Variants in FAM241B observed in about 807,000 individuals in gnomAD.
FAM241B encodes protein FAM241B.
FAM241B carries 7 observed loss-of-function variants against 9.3 expected under a neutral mutation model. The observed-to-expected ratio is 0.75, with a 90% CI of 0.43 to 1.41. The LOEUF is 1.41. FAM241B is among the 40% of genes most tolerant of loss of function. The pLI, the probability that FAM241B is intolerant of heterozygous loss-of-function variation, is 0.01. For missense variants in FAM241B, 136 were observed against 159.6 expected, an observed-to-expected ratio of 0.85 and a Z score of 0.80; for synonymous variants, 60 against 64.1, an observed-to-expected ratio of 0.94 and a Z score of 0.31.
chr10:69,630,778 C>T, intron 1 of FAM241B: 2 of 775,998 alleles, frequency 2.6e-6, no homozygotes, highest in Non-Finnish European at 1.8e-6. Context: ...CGAGGGCCAC[C>T]GCAGCAACCC....
intron 1 of FAM241B, 114 bp from the exon 2 acceptor site, chr10:69,631,366 G>A (rs1839816052): frequency 5.7e-6 from 5 of 878,732 alleles, no homozygotes; most frequent in South Asian, 1.5e-5. Context: ...GTGATTGGCA[G>A]TAAAACTTCC....
chr10:69,632,292 C>G (rs182967155), intron 3 of FAM241B, among the ~76,000 whole-genome samples: 85 of 152,104 alleles, frequency 5.6e-4, no homozygotes, highest in African/African-American at 2.0e-3. Context: ...AACCCCATCT[C>G]TACTAAAAAT....
chr10:69,631,677 A>G, intron 2 of FAM241B, 32 bp from the exon 3 acceptor site: 1 of 1,580,336 alleles, frequency 6.3e-7, no homozygotes, highest in Non-Finnish European at 8.6e-7. Context: ...CTTGGCTTCC[A>G]TTAGCCTGCC....
Position 69,632,849 on chromosome 10 carries a change from G to A in FAM241B, c.156G>A (p.Gln52=), listed in dbSNP as rs761088839. The A allele has an allele frequency of 5.0e-6, 8 of 1,614,122 alleles. No homozygotes were observed. In the South Asian group the frequency reaches 7.7e-5, roughly 16 times the overall value. ...PPGGPGPRQQ[Q]AGARLGAAQS... ...GGGGTCCTGGCCCCCGCCAGCAGCA[G>A]GCAGGTGCCAGGCTGGGTGCTGCTC... The change falls in exon 4 of 4, where the codon CAG becomes CAA. Residue 52 remains glutamine (Q), a synonymous_variant. Coordinates refer to ENST00000373279, the MANE Select transcript of FAM241B (RefSeq NM_145306.3).
At position 69,630,309 on chromosome 10, in the gene FAM241B, T is replaced by C. The variant is rs1483921738; in HGVS notation, c.-108T>C. The C allele has an allele frequency of 6.6e-6, 1 of 152,670 alleles. No individual in the cohort carries two copies. Among genetic ancestry groups the C allele is most frequent in the Non-Finnish European group, 1.5e-5 (1 of 68,490 alleles). 9.5% of individuals were successfully genotyped at this position (152,670 alleles called of 1,614,324 possible). On this transcript the variant is annotated 5_prime_UTR_variant, in exon 1 of 4. Coordinates refer to ENST00000373279, the MANE Select transcript of FAM241B (RefSeq NM_145306.3). ...CGCCGCCGAGGCCCGGAGTCGCGCC[T>C]GCAGGTGAGTCGCCGCGCCGGGGAG...
intron 1 of FAM241B, chr10:69,630,585 G>C: frequency 8.0e-7 from 1 of 1,242,538 alleles, no homozygotes; most frequent in Non-Finnish European, 1.0e-6. Flanking sequence ...CGCCTGTCCC[G>C]GGCTCCAGGC....
At chr10:69,631,303 G>A (rs1338780195) in intron 1 of FAM241B, among the ~76,000 whole-genome samples, 177 bp from the exon 2 acceptor site, 1 of 152,242 alleles carries the variant, frequency 6.6e-6, no homozygotes, top group Non-Finnish European at 1.5e-5. Flanking sequence ...GGCCTTCCAC[G>A]GGGCGTGGGC....
Position 69,633,008 on chromosome 10 carries a change from C to T in FAM241B, c.315C>T (p.Gly105=). Reference sequence around the variant, plus strand: ...TGCTCATGATGCTTGGTGTTCGTGGCCTCCTCCTGGTTGGCCTTGTCTACC... The same window carrying T: ...TGCTCATGATGCTTGGTGTTCGTGGTCTCCTCCTGGTTGGCCTTGTCTACC... ...LFLLMMLGVR[G]LLLVGLVYLV... Residue 105 remains glycine, a synonymous_variant, in exon 4 of 4, where the codon GGC becomes GGT. Transcript: ENST00000373279. 1.9e-6 allele frequency: 3 copies of T among 1,614,214 alleles called. No homozygotes were observed. Among genetic ancestry groups the T allele is most frequent in the Non-Finnish European group, 2.5e-6 (3 of 1,180,050 alleles).
At chr10:69,630,664 G>A (rs1185738627) in intron 1 of FAM241B, 3 of 1,298,286 alleles carry the variant, frequency 2.3e-6, no homozygotes, top group Non-Finnish European at 3.0e-6. Flanking sequence ...TGGAATGTAG[G>A]TGGACACTGA....
chr10:69,633,164 T>A lies in FAM241B; in HGVS notation c.*105T>A. 6.8e-7 allele frequency: 1 copy of A among 1,467,442 alleles called. No individual in the cohort carries two copies. The highest frequency in any genetic ancestry group is 9.3e-7 in the Non-Finnish European group (1 of 1,076,350). The allele number at this position is 1,467,442 out of a possible 1,614,324, so 90.9% of individuals were successfully genotyped here. On this transcript the variant is annotated 3_prime_UTR_variant, in exon 4 of 4. Transcript: ENST00000373279. Reference sequence around the variant, plus strand: ...ATCTGGTGGTGCCTTGAAGGTATGATCAGAGAGGGGACCACAGGTGTGTGT... The same window carrying A: ...ATCTGGTGGTGCCTTGAAGGTATGAACAGAGAGGGGACCACAGGTGTGTGT...
chr10:69,631,955 G>A, intron 3 of FAM241B, 116 bp downstream of exon 3: 1 of 1,355,094 alleles, frequency 7.4e-7, no homozygotes, highest in Non-Finnish European at 1.0e-6. Context: ...AGCCCTCTTT[G>A]CAGAGAGCTG....
chr10:69,633,179 C>T lies in FAM241B; in HGVS notation c.*120C>T, dbSNP rs765626119. On this transcript the variant is annotated 3_prime_UTR_variant, in exon 4 of 4. Transcript: ENST00000373279. Reference sequence around the variant, plus strand: ...GAAGGTATGATCAGAGAGGGGACCACAGGTGTGTGTTTCCCCTTTGTGTTA... The same window carrying T: ...GAAGGTATGATCAGAGAGGGGACCATAGGTGTGTGTTTCCCCTTTGTGTTA... 43 of 1,382,632 alleles carry T rather than the reference C, an allele frequency of 3.1e-5. No homozygotes were observed. The highest frequency in any genetic ancestry group is 4.2e-5 in the Non-Finnish European group (42 of 1,007,280). The allele number at this position is 1,382,632 out of a possible 1,614,324, so 85.6% of individuals were successfully genotyped here.
chr10:69,631,628 A>G, intron 2 of FAM241B, 81 bp downstream of exon 2: 1 of 1,552,116 alleles, frequency 6.4e-7, no homozygotes, highest in Non-Finnish European at 8.7e-7. Flanking sequence ...CAGATCACTA[A>G]CAGCTAAAGG....
chr10:69,633,281 G>A lies in FAM241B; in HGVS notation c.*222G>A. The A allele has an allele frequency of 3.2e-6, 2 of 625,990 alleles. No homozygotes were observed. Among genetic ancestry groups the A allele is most frequent in the South Asian group, 2.0e-5 (1 of 50,114 alleles). The allele number at this position is 625,990 out of a possible 1,614,324, so 38.8% of individuals were successfully genotyped here. Reference sequence around the variant, plus strand: ...TCCGTTGGTTCCCAAGATACTTTTAGGTGGTATGGGGCCTGCATTAAGTGG... The same window carrying A: ...TCCGTTGGTTCCCAAGATACTTTTAAGTGGTATGGGGCCTGCATTAAGTGG... On this transcript the variant is annotated 3_prime_UTR_variant, in exon 4 of 4. Transcript: ENST00000373279.
intron 3 of FAM241B, 63 bp from the exon 4 acceptor site, chr10:69,632,727 T>C (rs41306516): frequency 0.081 from 125,781 of 1,560,194 alleles, 5,794 homozygotes; most frequent in Middle Eastern, 0.098. Context: ...CCTAGAGAGG[T>C]TGATTCCTGG....
rs186131085 is a variant in FAM241B at position 69,632,661 on chromosome 10, G to A, written c.97-129G>A. On this transcript the variant is annotated intron_variant, in intron 3 of 3. Coordinates refer to ENST00000373279, the MANE Select transcript of FAM241B (RefSeq NM_145306.3). Reference sequence around the variant, plus strand: ...TGGGATTCTTATGGGTGGCATGGGGGATTGCTGAGAAAGGAGGGTGTGACC... The same window carrying A: ...TGGGATTCTTATGGGTGGCATGGGGAATTGCTGAGAAAGGAGGGTGTGACC... The A allele has an allele frequency of 1.1e-4, 111 of 1,018,384 alleles. No individual in the cohort carries two copies. In the African/African-American group the frequency reaches 1.7e-3, roughly 15 times the overall value. The allele number at this position is 1,018,384 out of a possible 1,614,324, so 63.1% of individuals were successfully genotyped here.
At chr10:69,632,196 C>G (rs1356027435) in intron 3 of FAM241B, among the ~76,000 whole-genome samples, 1 of 152,112 alleles carries the variant, frequency 6.6e-6, no homozygotes, top group African/African-American at 2.4e-5. Context: ...CGCGGTGGCT[C>G]ACACCTGTAA....
chr10:69,633,319 G>A lies in FAM241B; in HGVS notation c.*260G>A, dbSNP rs529746502. 3 of 538,190 alleles carry A rather than the reference G, an allele frequency of 5.6e-6. No homozygotes were observed. The East Asian group carries it at 9.6e-5, about 17-fold the overall frequency. The allele number at this position is 538,190 out of a possible 1,614,324, so 33.3% of individuals were successfully genotyped here. On this transcript the variant is annotated 3_prime_UTR_variant, in exon 4 of 4. Coordinates refer to ENST00000373279, the MANE Select transcript of FAM241B (RefSeq NM_145306.3). Reference sequence around the variant, plus strand: ...CTGCATTAAGTGGCACAAAATCAGAGCAAGAAAGCGATGCCCTTCCCAATT... The same window carrying A: ...CTGCATTAAGTGGCACAAAATCAGAACAAGAAAGCGATGCCCTTCCCAATT...
intron 1 of FAM241B, 27 bp downstream of exon 1, chr10:69,630,340 G>C: frequency 6.5e-6 from 1 of 152,708 alleles, no homozygotes; most frequent in South Asian, 2.0e-4. Context: ...GGGAGGGAGC[G>C]CATCCCTCGC....
Sources: gnomAD v4.1 joint callset for allele counts (sites outside exome capture counted in the v4.1 genomes callset) on GRCh38, gnomAD v4.1.1 for gene constraint, MANE v1.5 for transcripts, NCBI Gene and HGNC (gene_info 2026-07-23, HGNC 2026-07-21) for gene names.